AP3B1: variants seen among roughly 807,000 people sequenced by gnomAD.
The protein encoded by AP3B1 is adaptor related protein complex 3 subunit beta 1, also known as AP-3 complex subunit beta-1.
A neutral mutation model predicts 132.5 loss-of-function variants in AP3B1; 61 were observed. The ratio of observed to expected loss-of-function variants is 0.46; its 90% confidence interval spans 0.37 to 0.57. AP3B1 has a LOEUF of 0.57. Ranked by LOEUF, AP3B1 falls within the 20% of genes least tolerant of loss-of-function variation. The pLI, the probability that AP3B1 is intolerant of heterozygous loss-of-function variation, is 0.00. For synonymous variants in AP3B1, 388 were observed against 438.3 expected (o/e 0.89, Z 1.43); for missense variants, 1,120 against 1,289.4 (o/e 0.87, Z 2.01).
At chr5:78,088,877 T>C (rs1750379906) in intron 22 of AP3B1, 1 of 154,864 alleles carries the variant, frequency 6.5e-6, no homozygotes, top group Non-Finnish European at 1.4e-5. Flanking sequence ...GGTTCTAGCC[T>C]CACTTCACAT....
chr5:78,132,275 C>T (rs1001804755), intron 15 of AP3B1, among the ~76,000 whole-genome samples: 1 of 152,148 alleles, frequency 6.6e-6, no homozygotes, highest in African/African-American at 2.4e-5. Context: ...ACCATGACAA[C>T]GTCCTTTCAT....
intron 3 of AP3B1, among the ~76,000 whole-genome samples, chr5:78,230,346 C>T (rs1746591842): frequency 6.6e-6 from 1 of 152,102 alleles, no homozygotes; most frequent in African/African-American, 2.4e-5. Context: ...ACTTAATGAG[C>T]AAACAAACTT....
At chr5:78,065,507 G>A (rs191823920) in intron 22 of AP3B1, among the ~76,000 whole-genome samples, 186 of 152,274 alleles carry the variant, frequency 1.2e-3, no homozygotes, top group Non-Finnish European at 2.1e-3. Flanking sequence ...TTTGGACCCC[G>A]GAGGAATTTT....
chr5:78,084,669 G>A (rs1213614544), intron 22 of AP3B1, among the ~76,000 whole-genome samples: 1 of 151,728 alleles, frequency 6.6e-6, no homozygotes, highest in East Asian at 1.9e-4. Flanking sequence ...TTGCTTTTTG[G>A]GTAATAGATG....
At chr5:78,011,777 T>C (rs1746636429) in intron 26 of AP3B1, among the ~76,000 whole-genome samples, 1 of 152,132 alleles carries the variant, frequency 6.6e-6, no homozygotes, top group Non-Finnish European at 1.5e-5. Flanking sequence ...GCATTTAATG[T>C]AAAAATGTAT....
rs563852000 is a variant in AP3B1, at chr5:78,033,024, A to T, written c.2894+1337T>A. Among the ~76,000 whole-genome samples the T allele has an allele frequency of 2.0e-4, 30 of 152,266 alleles. 1 individual carries two copies. The South Asian group carries it at 6.0e-3, about 30-fold the overall frequency. ...TTTGTAAATAAAATTGGGGAAAAAAATCCAATTACATAGGAATCAAAAGGT... is the reference window on the plus strand; with the variant it reads ...TTTGTAAATAAAATTGGGGAAAAAATTCCAATTACATAGGAATCAAAAGGT... On this transcript the variant is annotated intron_variant, in intron 24 of 26. Coordinates refer to ENST00000255194, the MANE Select transcript of AP3B1 (RefSeq NM_003664.5).
chr5:78,119,752 TG>T (rs1752071319), intron 17 of AP3B1, among the ~76,000 whole-genome samples: 1 of 152,160 alleles, frequency 6.6e-6, no homozygotes, highest in African/African-American at 2.4e-5. Context: ...TGGAACCAAG[TG>T]GGAAAACACT....
At chr5:78,112,315 T>C (rs1269824910) in intron 19 of AP3B1, among the ~76,000 whole-genome samples, 6 of 152,154 alleles carry the variant, frequency 3.9e-5, no homozygotes, top group Non-Finnish European at 1.5e-5. Context: ...TGTTTTTCCC[T>C]GGCAAAAAAA....
At chr5:78,018,542 A>T (rs369788760) in intron 25 of AP3B1, among the ~76,000 whole-genome samples, 2 of 151,948 alleles carry the variant, frequency 1.3e-5, no homozygotes, top group African/African-American at 4.8e-5. Flanking sequence ...CTTATTTATA[A>T]TTTTTTCAGT....
chr5:78,281,146 A>G (rs1277400316), intron 1 of AP3B1, among the ~76,000 whole-genome samples: 1 of 152,216 alleles, frequency 6.6e-6, no homozygotes, highest in African/African-American at 2.4e-5. Flanking sequence ...ACTTAAAAAC[A>G]ATTCTCGGCC....
intron 22 of AP3B1, among the ~76,000 whole-genome samples, chr5:78,077,471 T>G (rs985424475): frequency 6.6e-6 from 1 of 152,182 alleles, no homozygotes; most frequent in Non-Finnish European, 1.5e-5. Flanking sequence ...TATTGCCACT[T>G]TTCTACATGT....
chr5:78,133,237 G>T (rs543235251), intron 15 of AP3B1, among the ~76,000 whole-genome samples: 4 of 152,186 alleles, frequency 2.6e-5, no homozygotes, highest in Non-Finnish European at 5.9e-5. Flanking sequence ...CACCTGCTTT[G>T]TCAGAGTATA....
chr5:78,055,709 A>G (rs2112133588), intron 22 of AP3B1, among the ~76,000 whole-genome samples: 1 of 152,188 alleles, frequency 6.6e-6, no homozygotes, highest in South Asian at 2.1e-4. Context: ...TCATGGGGAG[A>G]TTTTTTTCTC....
At chr5:78,013,220 T>C (rs1746694766) in intron 26 of AP3B1, among the ~76,000 whole-genome samples, 1 of 152,114 alleles carries the variant, frequency 6.6e-6, no homozygotes, top group Non-Finnish European at 1.5e-5. Context: ...TAATTTTATA[T>C]TTTTTGTAGA....
intron 12 of AP3B1, among the ~76,000 whole-genome samples, chr5:78,163,910 A>G (rs1743503223): frequency 6.6e-6 from 1 of 151,912 alleles, no homozygotes; most frequent in East Asian, 1.9e-4. Flanking sequence ...CCCAACCTCA[A>G]ATAAGAAGTA....
intron 2 of AP3B1, among the ~76,000 whole-genome samples, chr5:78,254,435 A>G (rs1003521639): frequency 2.0e-5 from 3 of 152,210 alleles, no homozygotes; most frequent in Non-Finnish European, 4.4e-5. Context: ...CCCAAAGGTC[A>G]AGGATAGAGA....
chr5:78,242,786 A>G (rs1747197453), intron 2 of AP3B1, among the ~76,000 whole-genome samples: 1 of 152,118 alleles, frequency 6.6e-6, no homozygotes, highest in Non-Finnish European at 1.5e-5. Flanking sequence ...TTTTAGTTTT[A>G]TATCTATCTG....
At chr5:78,010,414 G>A (rs1313193997) in intron 26 of AP3B1, among the ~76,000 whole-genome samples, 1 of 152,064 alleles carries the variant, frequency 6.6e-6, no homozygotes, top group Non-Finnish European at 1.5e-5. Context: ...TTTTTGGGGT[G>A]GGTTCCAGAA....
chr5:78,013,729 C>G lies in AP3B1; in HGVS notation c.3131+1681G>C, dbSNP rs78912841. 8.8e-3 allele frequency among the ~76,000 whole-genome samples: 1,335 copies of G among 152,266 alleles called. 28 individuals carry two copies. Among genetic ancestry groups the G allele is most frequent in the African/African-American group, 0.029 (1,218 of 41,542 alleles). ...AAAATATTTATTTTCACTGAAAAGGCTTTTGTTACTCTTTTCCCTATTGAA... is the reference window on the plus strand; with the variant it reads ...AAAATATTTATTTTCACTGAAAAGGGTTTTGTTACTCTTTTCCCTATTGAA... On this transcript the variant is annotated intron_variant, in intron 26 of 26. Coordinates refer to ENST00000255194, the MANE Select transcript of AP3B1 (RefSeq NM_003664.5).
Sources: gnomAD v4.1 joint callset for allele counts (sites outside exome capture counted in the v4.1 genomes callset) on GRCh38, gnomAD v4.1.1 for gene constraint, MANE v1.5 for transcripts, NCBI Gene and HGNC (gene_info 2026-07-23, HGNC 2026-07-21) for gene names.